Variants in CSMD1 observed in about 807,000 individuals in gnomAD.
CSMD1 encodes CUB and sushi domain-containing protein 1.
Under a neutral mutation model 417.5 loss-of-function variants are expected in CSMD1, and 213 were observed. That is an observed-to-expected ratio of 0.51 (90% confidence interval 0.46 to 0.57). The LOEUF is 0.57. Among genes scored for constraint, CSMD1 ranks in the 20% least tolerant of loss-of-function variants. CSMD1 has a pLI of 0.00. For synonymous variants in CSMD1, 2,862 were observed against 1,736.8 expected, an observed-to-expected ratio of 1.65 and a Z score of -16.11; for missense variants, 6,923 against 4,529.7, an observed-to-expected ratio of 1.53 and a Z score of -15.17.
intron 15 of CSMD1, among the ~76,000 whole-genome samples, chr8:3,402,022 A>C (rs994956952): frequency 6.6e-6 from 1 of 152,064 alleles, no homozygotes; most frequent in Non-Finnish European, 1.5e-5. Context: ...TAAAATACAC[A>C]CACACACATA....
At chr8:3,133,962 G>A (rs1817935920) in intron 41 of CSMD1, among the ~76,000 whole-genome samples, 1 of 152,156 alleles carries the variant, frequency 6.6e-6, no homozygotes, top group African/African-American at 2.4e-5. Flanking sequence ...ATCGGATCAT[G>A]AGGTCAGGAG....
At chr8:3,334,702 C>T (rs1318023827) in intron 23 of CSMD1, among the ~76,000 whole-genome samples, 1 of 152,236 alleles carries the variant, frequency 6.6e-6, no homozygotes, top group African/African-American at 2.4e-5. Flanking sequence ...GTGCAAACGG[C>T]TGCAAATGGA....
intron 3 of CSMD1, among the ~76,000 whole-genome samples, chr8:4,244,583 C>G (rs547325708): frequency 2.6e-5 from 4 of 151,770 alleles, no homozygotes; most frequent in Admixed American, 6.6e-5. Context: ...TAAATATCAA[C>G]TATTGTAGAT....
At chr8:4,451,321 G>C (rs546927717) in intron 2 of CSMD1, among the ~76,000 whole-genome samples, 1 of 152,284 alleles carries the variant, frequency 6.6e-6, no homozygotes, top group South Asian at 2.1e-4. Context: ...CACCACTCCA[G>C]CCTGGGCAAC....
chr8:3,382,322 TTA>T (rs772690857), intron 18 of CSMD1, among the ~76,000 whole-genome samples: 8 of 146,600 alleles, frequency 5.5e-5, no homozygotes, highest in African/African-American at 2.0e-4. Context: ...TTAGGGTTAT[TTA>T]TATATATATA....
chr8:4,139,477 G>C lies in CSMD1; in HGVS notation c.416-107378C>G, dbSNP rs567773674. On this transcript the variant is annotated intron_variant, in intron 3 of 69. Transcript: ENST00000635120. ...CCTGGAGGCGTGGACAGTCCAGTGA[G>C]GAAGGTGGCGTGGATGAATGGTCTG... 1.2e-4 allele frequency among the ~76,000 whole-genome samples: 18 copies of C among 151,522 alleles called. No individual in the cohort carries two copies. In the East Asian group the frequency reaches 2.5e-3, roughly 21 times the overall value.
At chr8:4,094,140 G>T (rs1260003465) in intron 3 of CSMD1, among the ~76,000 whole-genome samples, 1 of 152,122 alleles carries the variant, frequency 6.6e-6, no homozygotes, top group Non-Finnish European at 1.5e-5. Flanking sequence ...GTGTGGGGGG[G>T]ATGAGGGGAC....
At position 4,650,795 on chromosome 8, in the gene CSMD1, T is replaced by C. The variant is rs1295889354; in HGVS notation, c.86-13237A>G. On this transcript the variant is annotated intron_variant, in intron 1 of 69. Coordinates refer to ENST00000635120, the MANE Select transcript of CSMD1 (RefSeq NM_033225.6). ...ATTCAGTTTCATCTAGATTCTATTC[T>C]TCTTTATTTTACCCAAGTTTTGCTT... 2.6e-5 allele frequency among the ~76,000 whole-genome samples: 4 copies of C among 152,202 alleles called. No homozygotes were observed. In the East Asian group the frequency reaches 7.7e-4, roughly 29 times the overall value.
chr8:3,503,942 G>A (rs961207775), intron 10 of CSMD1, among the ~76,000 whole-genome samples: 8 of 152,120 alleles, frequency 5.3e-5, no homozygotes, highest in African/African-American at 1.7e-4. Flanking sequence ...ATATGGAGGC[G>A]GGGGTTAGGG....
chr8:4,423,279 T>G (rs892082262), intron 2 of CSMD1, among the ~76,000 whole-genome samples: 2 of 152,172 alleles, frequency 1.3e-5, no homozygotes, highest in South Asian at 4.1e-4. Flanking sequence ...TACTACTATT[T>G]GAAGTTGGCA....
Position 3,912,978 on chromosome 8 carries a change from G to A in CSMD1, c.818+84925C>T, listed in dbSNP as rs140792021. Among the ~76,000 whole-genome samples, 18 of 152,230 alleles carry A rather than the reference G, an allele frequency of 1.2e-4. No homozygotes were observed. In the East Asian group the frequency reaches 3.5e-3, roughly 29 times the overall value. Reference sequence around the variant, plus strand: ...ATTGAGAGGAGTAACCAAATGTGAGGAAGACACAGGAAAGCCTACGCACTG... The same window carrying A: ...ATTGAGAGGAGTAACCAAATGTGAGAAAGACACAGGAAAGCCTACGCACTG... On this transcript the variant is annotated intron_variant, in intron 5 of 69. Transcript: ENST00000635120.
intron 6 of CSMD1, among the ~76,000 whole-genome samples, chr8:3,719,159 C>G (rs1453519266): frequency 6.6e-6 from 1 of 152,124 alleles, no homozygotes; most frequent in Admixed American, 6.5e-5. Context: ...TTCTATACTT[C>G]GTTGCATTAA....
intron 1 of CSMD1, among the ~76,000 whole-genome samples, chr8:4,803,419 C>A (rs1249231809): frequency 6.6e-6 from 1 of 152,236 alleles, no homozygotes; most frequent in African/African-American, 2.4e-5. Flanking sequence ...CTAGATTTGT[C>A]TCTTGTCTCT....
At chr8:4,280,780 A>C (rs1796739345) in intron 3 of CSMD1, among the ~76,000 whole-genome samples, 1 of 152,186 alleles carries the variant, frequency 6.6e-6, no homozygotes, top group Non-Finnish European at 1.5e-5. Context: ...CTATATATAA[A>C]ATATTATTTG....
At chr8:4,483,148 C>A (rs1350833710) in intron 2 of CSMD1, among the ~76,000 whole-genome samples, 1 of 152,110 alleles carries the variant, frequency 6.6e-6, no homozygotes, top group East Asian at 1.9e-4. Flanking sequence ...CTCATGAGAT[C>A]CGATGGTTTG....
intron 10 of CSMD1, among the ~76,000 whole-genome samples, chr8:3,494,144 T>C (rs933968514): frequency 2.0e-5 from 3 of 152,234 alleles, no homozygotes; most frequent in Non-Finnish European, 2.9e-5. Flanking sequence ...TCTATATGCA[T>C]ACTTCATGGA....
At chr8:3,057,544 T>C (rs1429440298) in intron 49 of CSMD1, among the ~76,000 whole-genome samples, 1 of 115,024 alleles carries the variant, frequency 8.7e-6, no homozygotes, top group African/African-American at 3.2e-5. Context: ...TTATGTCTTA[T>C]TTTATACATG....
chr8:3,359,180 C>A lies in CSMD1; in HGVS notation c.3276G>T (p.Val1092=). ...KLTCLGGGRR[V]WSAPLPRCVA... ...CACACCTTGGCAGAGGTGCACTCCA[C>A]ACACGGCGGCCCCCACCCAGGCAGG... The change falls in exon 21 of 70, where the codon GTG becomes GTT. Residue 1092 remains valine (V), a synonymous_variant. Transcript: ENST00000635120. 6.2e-7 allele frequency: 1 copy of A among 1,613,986 alleles called. No homozygotes were observed. Among genetic ancestry groups the A allele is most frequent in the Non-Finnish European group, 8.5e-7 (1 of 1,179,954 alleles).
intron 7 of CSMD1, among the ~76,000 whole-genome samples, chr8:3,695,088 G>GTGTGTA (rs1491092087): frequency 2.0e-3 from 3 of 1,528 alleles, no homozygotes; most frequent in African/African-American, 4.5e-3. Flanking sequence ...GAGGCCCTGC[G>GTGTGTA]TGTGTGTGTG....
Sources: allele counts gnomAD v4.1 joint callset (sites outside exome capture counted in the v4.1 genomes callset), GRCh38; gene constraint gnomAD v4.1.1; transcripts MANE v1.5; gene names NCBI Gene and HGNC (gene_info 2026-07-23, HGNC 2026-07-21).